The following MRPL1 variants were observed in gnomAD, a reference collection of about 807,000 sequenced individuals.
MRPL1 encodes the protein large ribosomal subunit protein uL1m.
Under a neutral mutation model 38.0 loss-of-function variants are expected in MRPL1, and 28 were observed. That is an observed-to-expected ratio of 0.74 (90% CI 0.55 to 1.01). The LOEUF (loss-of-function observed/expected upper bound fraction) is 1.01, where lower values mean the gene tolerates loss of function less well. MRPL1 is among the 50% of genes least tolerant of loss of function. The pLI, the probability that MRPL1 is intolerant of heterozygous loss-of-function variation, is 0.00. For synonymous variants in MRPL1, 123 were observed against 126.7 expected (o/e 0.97, Z 0.20); for missense variants, 358 against 389.8 (o/e 0.92, Z 0.69).
rs938408897 is a variant in MRPL1 at position 77,952,770 on chromosome 4, T to A, written c.*163T>A. ...CATTTCAAGAATAAGAAAATAAAAT[T>A]TTCTCTTTGTCTGAACCTGCCTTTT... On this transcript the variant is annotated 3_prime_UTR_variant, in exon 9 of 9. Coordinates refer to ENST00000315567, the MANE Select transcript of MRPL1 (RefSeq NM_020236.4). 2 of 557,370 alleles carry A rather than the reference T, an allele frequency of 3.6e-6. No homozygotes were observed. The highest frequency in any genetic ancestry group is 4.6e-5 in the South Asian group (2 of 43,200). The allele number at this position is 557,370 out of a possible 1,614,324, so 34.5% of individuals were successfully genotyped here.
intron 7 of MRPL1, among the ~76,000 whole-genome samples, chr4:77,930,593 C>CAGA (rs1736822007): frequency 6.6e-6 from 1 of 152,182 alleles, no homozygotes. Context: ...AGAAATTTGA[C>CAGA]TACACAGAGG....
At chr4:77,882,581 T>C (rs1735570352) in intron 2 of MRPL1, among the ~76,000 whole-genome samples, 2 of 152,230 alleles carry the variant, frequency 1.3e-5, no homozygotes, top group Admixed American at 1.3e-4. Context: ...TGGAATAATA[T>C]GTGGGCTTTT....
At chr4:77,909,531 A>G (rs534934397) in intron 7 of MRPL1, among the ~76,000 whole-genome samples, 159 bp downstream of exon 7, 2 of 152,312 alleles carry the variant, frequency 1.3e-5, no homozygotes, top group South Asian at 4.2e-4. Context: ...TTTTTATTCT[A>G]TAAATTAAAC....
Position 77,885,241 on chromosome 4 carries a change from T to C in MRPL1, c.403-15T>C, listed in dbSNP as rs768839079. The stretch of plus-strand genomic sequence containing the variant: ...ATTAACTTTACGTAATTATTTTTCC[T>C]TGTCATGTGTTTAGAAAAACGTGGA... On this transcript the variant is annotated splice_polypyrimidine_tract_variant and intron_variant, in intron 3 of 8. Transcript: ENST00000315567. 1.3e-6 allele frequency: 2 copies of C among 1,586,092 alleles called. No homozygotes were observed. The highest frequency in any genetic ancestry group is 2.2e-5 in the East Asian group (1 of 44,734).
At chr4:77,915,065 T>G (rs1455797773) in intron 7 of MRPL1, among the ~76,000 whole-genome samples, 1 of 152,224 alleles carries the variant, frequency 6.6e-6, no homozygotes, top group Non-Finnish European at 1.5e-5. Context: ...AGATGTTTTT[T>G]GGGAGAGTGA....
At chr4:77,910,442 G>A (rs1024610452) in intron 7 of MRPL1, among the ~76,000 whole-genome samples, 2 of 152,128 alleles carry the variant, frequency 1.3e-5, no homozygotes, top group African/African-American at 4.8e-5. Context: ...GAGTGACACA[G>A]CCTAGGCAAC....
At chr4:77,930,176 G>A (rs1182476553) in intron 7 of MRPL1, among the ~76,000 whole-genome samples, 5 of 152,192 alleles carry the variant, frequency 3.3e-5, no homozygotes, top group Non-Finnish European at 7.3e-5. Context: ...AGCTCCAGGA[G>A]AAACCGTCCA....
At chr4:77,900,601 A>G (rs968215487) in intron 6 of MRPL1, among the ~76,000 whole-genome samples, 3 of 152,232 alleles carry the variant, frequency 2.0e-5, no homozygotes, top group Non-Finnish European at 4.4e-5. Flanking sequence ...GCAGCTTTCT[A>G]TCATTTGGTA....
intron 5 of MRPL1, among the ~76,000 whole-genome samples, chr4:77,890,457 C>T (rs1735781218): frequency 1.3e-5 from 2 of 152,158 alleles, no homozygotes; most frequent in African/African-American, 4.8e-5. Flanking sequence ...TAAAAACTCT[C>T]AATAAACTAG....
intron 7 of MRPL1, among the ~76,000 whole-genome samples, chr4:77,948,970 C>T (rs753880544): frequency 6.6e-6 from 1 of 152,068 alleles, no homozygotes; most frequent in Non-Finnish European, 1.5e-5. Context: ...AGGGTTTCAC[C>T]GTGTTGGCCA....
intron 7 of MRPL1, among the ~76,000 whole-genome samples, chr4:77,923,798 G>C (rs1034486187): frequency 6.6e-6 from 1 of 151,992 alleles, no homozygotes; most frequent in East Asian, 1.9e-4. Flanking sequence ...TTAGCCAGAC[G>C]TGGTGGTATG....
At chr4:77,885,871 A>G (rs898199301) in intron 4 of MRPL1, among the ~76,000 whole-genome samples, 2 of 152,212 alleles carry the variant, frequency 1.3e-5, no homozygotes, top group African/African-American at 4.8e-5. Flanking sequence ...TTTCATCATT[A>G]CTAGAATGCT....
intron 2 of MRPL1, among the ~76,000 whole-genome samples, chr4:77,876,771 C>T (rs1288612989): frequency 6.6e-6 from 1 of 152,122 alleles, no homozygotes; most frequent in African/African-American, 2.4e-5. Flanking sequence ...CTCCCCTCTA[C>T]CCTGTGTTGT....
At chr4:77,887,071 G>C in intron 4 of MRPL1, 149 bp from the exon 5 acceptor site, 2 of 682,654 alleles carry the variant, frequency 2.9e-6, no homozygotes, top group Non-Finnish European at 5.0e-6. Flanking sequence ...TTACCAGTGA[G>C]AGCCACTGCA....
chr4:77,947,976 AATC>A (rs1211116831), intron 7 of MRPL1, among the ~76,000 whole-genome samples: 1 of 152,200 alleles, frequency 6.6e-6, no homozygotes, highest in African/African-American at 2.4e-5. Context: ...AAACCATCCT[AATC>A]ATGAAAGTTG....
chr4:77,923,440 A>C (rs1357609784), intron 7 of MRPL1, among the ~76,000 whole-genome samples: 2 of 152,106 alleles, frequency 1.3e-5, no homozygotes, highest in East Asian at 3.9e-4. Flanking sequence ...AATTTACTGA[A>C]TAGTTTTTAA....
At chr4:77,909,118 AAC>A (rs10551874) in intron 6 of MRPL1, 146 bp from the exon 7 acceptor site, 323,847 of 631,718 alleles carry the variant, frequency 0.51, 86,189 homozygotes, top group Non-Finnish European at 0.56. Context: ...AATGAATGTG[AAC>A]ACCAGGAAAC....
intron 2 of MRPL1, among the ~76,000 whole-genome samples, chr4:77,872,657 G>A (rs1180316037): frequency 6.6e-6 from 1 of 152,188 alleles, no homozygotes; most frequent in Non-Finnish European, 1.5e-5. Context: ...GAAGTCGGCA[G>A]TTCAAGACCA....
intron 7 of MRPL1, among the ~76,000 whole-genome samples, chr4:77,942,934 C>A (rs542539126): frequency 1.2e-4 from 18 of 151,924 alleles, no homozygotes; most frequent in Admixed American, 3.9e-4. Flanking sequence ...TTGCCTGATA[C>A]CCTTTTTTAA....
Sources: allele counts gnomAD v4.1 joint callset (sites outside exome capture counted in the v4.1 genomes callset), GRCh38; gene constraint gnomAD v4.1.1; transcripts MANE v1.5; gene names NCBI Gene and HGNC (gene_info 2026-07-23, HGNC 2026-07-21).